The following STK32B variants were observed in gnomAD, a reference collection of about 807,000 sequenced individuals.
STK32B encodes the protein serine/threonine kinase 32B.
In STK32B, 43 loss-of-function variants were observed where a neutral mutation model predicts 52.6. That is an observed-to-expected ratio of 0.82 (90% CI 0.64 to 1.05). STK32B has a LOEUF of 1.05. Among genes scored for constraint, STK32B ranks in the 50% least tolerant of loss-of-function variants. STK32B has a pLI of 0.00. For missense variants in STK32B, 621 were observed against 534.6 expected (o/e 1.16, Z -1.59); for synonymous variants, 238 against 204.3 (o/e 1.17, Z -1.41).
At chr4:5,131,409 A>G (rs1289101731) in intron 1 of STK32B, among the ~76,000 whole-genome samples, 1 of 152,226 alleles carries the variant, frequency 6.6e-6, no homozygotes, top group Non-Finnish European at 1.5e-5. Flanking sequence ...TGAAGTTTGA[A>G]TATTTCCAAA....
chr4:5,043,186 C>T, the STK32B span, among the ~76,000 whole-genome samples: 5 of 151,202 alleles, frequency 3.3e-5, no homozygotes, highest in African/African-American at 7.3e-5. Context: ...CACTCAGATA[C>T]CAGGAGGAGA....
intron 3 of STK32B, among the ~76,000 whole-genome samples, chr4:5,309,447 G>C (rs898198595): frequency 6.6e-6 from 1 of 152,030 alleles, no homozygotes; most frequent in African/African-American, 2.4e-5. Context: ...TGAGCAAAAA[G>C]AACAAGGTTG....
intron 3 of STK32B, among the ~76,000 whole-genome samples, chr4:5,223,832 A>AG (rs1191571021): frequency 2.0e-5 from 3 of 151,676 alleles, no homozygotes; most frequent in Non-Finnish European, 4.4e-5. Flanking sequence ...AAAAAAAAAA[A>AG]AAAGTAACAT....
At chr4:5,444,078 G>C in intron 6 of STK32B, among the ~76,000 whole-genome samples, 1 of 152,194 alleles carries the variant, frequency 6.6e-6, no homozygotes, top group Non-Finnish European at 1.5e-5. Context: ...TGCCCCCAGA[G>C]GTGGAGCCTA....
intron 1 of STK32B, among the ~76,000 whole-genome samples, chr4:5,098,737 C>A (rs1713537270): frequency 6.6e-6 from 1 of 152,180 alleles, no homozygotes; most frequent in Admixed American, 6.5e-5. Context: ...GCTGTTCTCT[C>A]TTTTACAAGC....
intron 6 of STK32B, among the ~76,000 whole-genome samples, chr4:5,444,992 C>G (rs867483453): frequency 1.3e-5 from 2 of 152,262 alleles, no homozygotes; most frequent in East Asian, 1.9e-4. Flanking sequence ...TTGTGCTGAA[C>G]GAAATGTTGA....
chr4:5,275,264 C>T (rs116427366), intron 3 of STK32B, among the ~76,000 whole-genome samples: 2,928 of 152,274 alleles, frequency 0.019, 39 homozygotes, highest in Non-Finnish European at 0.032. Flanking sequence ...CCTGTCTGGC[C>T]TTTTTGTTCC....
At chr4:5,245,979 G>A (rs2108824240) in intron 3 of STK32B, among the ~76,000 whole-genome samples, 1 of 152,292 alleles carries the variant, frequency 6.6e-6, no homozygotes, top group South Asian at 2.1e-4. Context: ...TGGGTAACCC[G>A]ACCTTTCTCT....
At chr4:5,095,431 A>G (rs760803524) in intron 1 of STK32B, among the ~76,000 whole-genome samples, 16 of 152,206 alleles carry the variant, frequency 1.1e-4, no homozygotes, top group Admixed American at 6.5e-4. Flanking sequence ...TCTGGCCAAC[A>G]GGGCGAAACT....
intron 4 of STK32B, among the ~76,000 whole-genome samples, chr4:5,344,786 A>G (rs1024800676): frequency 3.3e-5 from 5 of 151,800 alleles, no homozygotes; most frequent in Admixed American, 1.3e-4. Flanking sequence ...AGTTTTATCT[A>G]TGCAAGCATT....
At chr4:5,069,210 T>TTTA (rs1711606460) in intron 1 of STK32B, among the ~76,000 whole-genome samples, 1 of 91,854 alleles carries the variant, frequency 1.1e-5, no homozygotes, top group African/African-American at 3.7e-5. Context: ...TTTTTTTTTT[T>TTTA]GAGATGGAGT....
At chr4:5,401,742 A>T (rs1342930382) in intron 5 of STK32B, among the ~76,000 whole-genome samples, 5 of 152,206 alleles carry the variant, frequency 3.3e-5, no homozygotes, top group Non-Finnish European at 7.3e-5. Flanking sequence ...ACATAGAGGG[A>T]GGGGGGAAGC....
intron 4 of STK32B, among the ~76,000 whole-genome samples, chr4:5,358,722 C>CACACACAG (rs1734341528): frequency 1.3e-5 from 2 of 151,512 alleles, no homozygotes; most frequent in Non-Finnish European, 2.9e-5. Flanking sequence ...CACACACACA[C>CACACACAG]AGGCACACAA....
chr4:5,083,610 A>G (rs975939996), intron 1 of STK32B, among the ~76,000 whole-genome samples: 3 of 152,240 alleles, frequency 2.0e-5, no homozygotes, highest in Admixed American at 2.0e-4. Context: ...AAAGGCTAGA[A>G]TTATTCCCAG....
upstream of STK32B, among the ~76,000 whole-genome samples, chr4:5,048,479 T>C (rs537839384): frequency 2.0e-5 from 3 of 152,274 alleles, no homozygotes; most frequent in Middle Eastern, 0.01. Context: ...GTATTTTTAG[T>C]AGAGATGGGG....
intron 4 of STK32B, among the ~76,000 whole-genome samples, chr4:5,367,842 A>G (rs922828638): frequency 2.0e-5 from 3 of 152,160 alleles, no homozygotes; most frequent in African/African-American, 7.2e-5. Flanking sequence ...TAATAATTAC[A>G]AGTCCAATCT....
intron 5 of STK32B, among the ~76,000 whole-genome samples, chr4:5,409,546 A>T (rs1560388948): frequency 1.3e-5 from 2 of 152,140 alleles, no homozygotes; most frequent in Admixed American, 6.5e-5. Context: ...ATGGTGGAAT[A>T]ACACTAAAAA....
chr4:5,307,167 T>C (rs1276708106), intron 3 of STK32B, among the ~76,000 whole-genome samples: 1 of 152,208 alleles, frequency 6.6e-6, no homozygotes, highest in Non-Finnish European at 1.5e-5. Context: ...GAACTTGTTG[T>C]ATTTGAATGT....
At chr4:5,178,623 T>A (rs1720111096) in intron 3 of STK32B, among the ~76,000 whole-genome samples, 1 of 152,212 alleles carries the variant, frequency 6.6e-6, no homozygotes, top group Non-Finnish European at 1.5e-5. Context: ...TCTTGAACAT[T>A]TTGCTGCTTA....
Sources: allele counts gnomAD v4.1 joint callset (sites outside exome capture counted in the v4.1 genomes callset), GRCh38; gene constraint gnomAD v4.1.1; transcripts MANE v1.5; gene names NCBI Gene and HGNC (gene_info 2026-07-23, HGNC 2026-07-21).